Variants in ARHGAP33 observed in about 807,000 individuals in gnomAD.
ARHGAP33 encodes the protein Rho GTPase activating protein 33, also known as rho GTPase-activating protein 33.
A neutral mutation model predicts 126.2 loss-of-function variants in ARHGAP33; 57 were observed. The observed-to-expected ratio is 0.45, with a 90% CI of 0.36 to 0.56. The LOEUF is 0.56. ARHGAP33 is among the 20% of genes least tolerant of loss of function. ARHGAP33 has a pLI of 0.00. For synonymous variants in ARHGAP33, 711 were observed against 755.0 expected (o/e 0.94, Z 0.95); for missense variants, 1,500 against 1,748.3 (o/e 0.86, Z 2.53).
chr19:35,785,351 T>G lies in ARHGAP33; in HGVS notation c.1867+17T>G, dbSNP rs780523651. On this transcript the variant is annotated intron_variant, in intron 18 of 20. Coordinates refer to ENST00000007510, the MANE Select transcript of ARHGAP33 (RefSeq NM_001366178.1). ...AGCCTTCAGGTGAGAGGCTGAGCCATGGGCTGGTGGGCAGCGATGGTCGCT... is the reference window on the plus strand; with the variant it reads ...AGCCTTCAGGTGAGAGGCTGAGCCAGGGGCTGGTGGGCAGCGATGGTCGCT... 1.2e-5 allele frequency: 19 copies of G among 1,613,730 alleles called. No homozygotes were observed. The highest frequency in any genetic ancestry group is 1.6e-5 in the Non-Finnish European group (19 of 1,179,812).
At chr19:35,784,702 C>T (rs1475735932) in intron 16 of ARHGAP33, 14 of 1,331,152 alleles carry the variant, frequency 1.1e-5, no homozygotes, top group Non-Finnish European at 1.3e-5. Context: ...GCCCTCTGGC[C>T]CGAGGTAACT....
rs1337583343 is a variant in ARHGAP33, at chr19:35,788,287, C to T, written c.3722C>T (p.Ala1241Val). The change falls in exon 21 of 21, where the codon GCC (alanine) becomes GTC (valine). Residue 1241 changes from alanine (A) to valine (V), a missense_variant. This residue lies in a region of ARHGAP33 where 642 missense variants were observed against 634.0 expected (regional missense o/e 1.01). Transcript: ENST00000007510. ...PLLLYRAAPPAYGRGGELHRG... is the reference protein window; with the variant it reads ...PLLLYRAAPPVYGRGGELHRG... ...CTGCTCTACAGGGCAGCCCCGCCAG[C>T]CTACGGAAGGGGGGGCGAGCTCCAC... is the stretch of plus-strand genomic sequence containing the variant. 4 of 1,609,082 alleles carry T rather than the reference C, an allele frequency of 2.5e-6. No homozygotes were observed. In the African/African-American group the frequency reaches 4.0e-5, roughly 16 times the overall value.
Position 35,788,192 on chromosome 19 carries a change from A to G in ARHGAP33, c.3627A>G (p.Lys1209=). The G allele has an allele frequency of 6.2e-7, 1 of 1,607,120 alleles. No individual in the cohort carries two copies. Among genetic ancestry groups the G allele is most frequent in the African/African-American group, 1.3e-5 (1 of 74,236 alleles). ...PGPPVPRLPQ[K]QRAPWGPRTP... is the part of the protein sequence containing the mutation. ...CCCCAGTCCCCCGCCTTCCCCAGAA[A>G]CAACGGGCACCCTGGGGACCCCGTA... The change falls in exon 21 of 21, where the codon AAA becomes AAG. Residue 1209 remains lysine (K), a synonymous_variant. Transcript: ENST00000007510.
At chr19:35,777,431 G>A (rs1207299162) in intron 1 of ARHGAP33, among the ~76,000 whole-genome samples, 1 of 152,066 alleles carries the variant, frequency 6.6e-6, no homozygotes, top group Non-Finnish European at 1.5e-5. Context: ...CTCACGTCTG[G>A]CCCCTGCTTC....
At position 35,786,371 on chromosome 19, in the gene ARHGAP33, G is replaced by A. The variant is rs1375057448; in HGVS notation, c.1943-42G>A. ...TCCCCAGCTTTCTGTGGGGCTGTGC[G>A]CCCTGTTCTCAGGGATGGTCTCACT... On this transcript the variant is annotated intron_variant, in intron 19 of 20. Transcript: ENST00000007510. The surrounding 1 kb of genome is among the most constrained non-coding windows in gnomAD (Gnocchi z 7.0). 4.7e-6 allele frequency: 7 copies of A among 1,497,054 alleles called. No homozygotes were observed. The highest frequency in any genetic ancestry group is 2.1e-5 in the Admixed American group (1 of 47,920). The allele number at this position is 1,497,054 out of a possible 1,614,324, so 92.7% of individuals were successfully genotyped here.
chr19:35,787,816 A>T lies in ARHGAP33; in HGVS notation c.3251A>T (p.Asn1084Ile), dbSNP rs1200314953. 2.5e-6 allele frequency: 4 copies of T among 1,604,712 alleles called. No individual in the cohort carries two copies. Among genetic ancestry groups the T allele is most frequent in the Non-Finnish European group, 3.4e-6 (4 of 1,176,532 alleles). The change falls in exon 21 of 21, where the codon AAC becomes ATC. Residue 1084 changes from asparagine (N) to isoleucine (I), a missense_variant. By Grantham distance (149) the Asn-to-Ile change is moderately radical. Coordinates refer to ENST00000007510, the MANE Select transcript of ARHGAP33 (RefSeq NM_001366178.1). The part of the protein sequence containing the change: ...GPPAPLDRGE[N>I]LYYEIGASEG... ...CCTGCACCACTCGACAGGGGAGAGA[A>T]CCTGTACTATGAGATCGGGGCAAGT...
Position 35,786,350 on chromosome 19 carries a change from C to T in ARHGAP33, c.1943-63C>T. 6.8e-7 allele frequency: 1 copy of T among 1,469,374 alleles called. No individual in the cohort carries two copies. The highest frequency in any genetic ancestry group is 9.0e-7 in the Non-Finnish European group (1 of 1,113,826). 91.0% of individuals were successfully genotyped at this position (1,469,374 alleles called of 1,614,324 possible). ...GAGGCGCCTCTTCATGTCCTTTCCC[C>T]AGCTTTCTGTGGGGCTGTGCGCCCT... On this transcript the variant is annotated intron_variant, in intron 19 of 20. Coordinates refer to ENST00000007510, the MANE Select transcript of ARHGAP33 (RefSeq NM_001366178.1). The surrounding 1 kb of genome is among the most constrained non-coding windows in gnomAD (Gnocchi z 7.0).
At chr19:35,780,059 A>G in intron 6 of ARHGAP33, 152 bp from the exon 7 acceptor site, 1 of 1,117,796 alleles carries the variant, frequency 8.9e-7, no homozygotes, top group East Asian at 2.4e-5. Context: ...GCATCCCTAC[A>G]AACAGGAATC....
rs369975302 is a variant in ARHGAP33, at chr19:35,787,462, C to G, written c.2897C>G (p.Pro966Arg). 93 of 1,612,236 alleles carry G rather than the reference C, an allele frequency of 5.8e-5. No homozygotes were observed. The highest frequency in any genetic ancestry group is 7.6e-5 in the Non-Finnish European group (90 of 1,179,450). Residue 966 changes from proline to arginine, a missense_variant, in exon 21 of 21, where the codon CCC (proline) becomes CGC (arginine). Pro to Arg is a moderately radical substitution (Grantham distance 103). This residue lies in a region of ARHGAP33 where 642 missense variants were observed against 634.0 expected (regional missense o/e 1.01). Coordinates refer to ENST00000007510, the MANE Select transcript of ARHGAP33 (RefSeq NM_001366178.1). ...CACCCGGGTGCCTGGGTCCCGGGAC[C>G]CCCACCCTACTTACCAAGGCAACAA... is the stretch of plus-strand genomic sequence containing the variant. Reference protein sequence around the residue: ...LAHPGAWVPGPPPYLPRQQSD... With the variant: ...LAHPGAWVPGRPPYLPRQQSD...
In ARHGAP33 at chr19:35,781,445, C is replaced by T. The variant is rs571684206; in HGVS notation, c.1085+193C>T. ...GACTATCTTCACCGAGCACCTGCCA[C>T]GTGCCAGGCACTGTTCTAGGCACTG... On this transcript the variant is annotated intron_variant, in intron 12 of 20. Transcript: ENST00000007510. 9.8e-5 allele frequency among the ~76,000 whole-genome samples: 15 copies of T among 152,310 alleles called. No homozygotes were observed. The South Asian group carries it at 2.5e-3, about 25-fold the overall frequency.
At chr19:35,785,554 T>G in intron 19 of ARHGAP33, 71 bp downstream of exon 19, 1 of 1,597,978 alleles carries the variant, frequency 6.3e-7, no homozygotes, top group Non-Finnish European at 8.5e-7. Flanking sequence ...GGGCCCTGGT[T>G]TGGCCTCCAA....
At position 35,782,231 on chromosome 19, in the gene ARHGAP33, C is replaced by T; in HGVS notation, c.1086-142C>T. On this transcript the variant is annotated intron_variant, in intron 12 of 20. Coordinates refer to ENST00000007510, the MANE Select transcript of ARHGAP33 (RefSeq NM_001366178.1). This position sits in a 1 kb window ranked among gnomAD's most constrained non-coding sequence, Gnocchi z 4.1. ...TGCTGGGGAGTTCAGTAAGGTTCTG[C>T]CTCTGAAGAGCCCAGTGTAGGACCT... 1 of 905,842 alleles carries T rather than the reference C, an allele frequency of 1.1e-6. No individual in the cohort carries two copies. Among genetic ancestry groups the T allele is most frequent in the Non-Finnish European group, 1.7e-6 (1 of 594,556 alleles). The allele number at this position is 905,842 out of a possible 1,614,324, so 56.1% of individuals were successfully genotyped here. A position where few individuals can be genotyped will look rare whatever the true frequency, so the allele number is the denominator to read the frequency against.
In ARHGAP33 at chr19:35,782,289, T is replaced by G. The variant is rs1971833906; in HGVS notation, c.1086-84T>G. The G allele has an allele frequency of 1.3e-6, 2 of 1,506,812 alleles. No individual in the cohort carries two copies. Among genetic ancestry groups the G allele is most frequent in the Non-Finnish European group, 1.8e-6 (2 of 1,107,850 alleles). 93.3% of individuals were successfully genotyped at this position (1,506,812 alleles called of 1,614,324 possible). The stretch of plus-strand genomic sequence containing the variant: ...AGGGTTCCATCCACCTGCGGGCACT[T>G]GGGGGTAGGGGCAAGGGGAGCATGG... On this transcript the variant is annotated intron_variant, in intron 12 of 20. Coordinates refer to ENST00000007510, the MANE Select transcript of ARHGAP33 (RefSeq NM_001366178.1). This position sits in a 1 kb window ranked among gnomAD's most constrained non-coding sequence, Gnocchi z 4.1.
rs1401094087 is a variant in ARHGAP33, at chr19:35,775,658, C to G, written c.-1C>G. ...CCGGGGCCTGAGGAGGCTACGCGACCATGGTGGTAAGGGTCCCACGCGGCC... is the reference window on the plus strand; with the variant it reads ...CCGGGGCCTGAGGAGGCTACGCGACGATGGTGGTAAGGGTCCCACGCGGCC... On this transcript the variant is annotated 5_prime_UTR_variant, in exon 1 of 21. Transcript: ENST00000007510. The G allele has an allele frequency of 1.3e-6, 2 of 1,550,460 alleles. No homozygotes were observed. The highest frequency in any genetic ancestry group is 1.7e-6 in the Non-Finnish European group (2 of 1,153,800).
In ARHGAP33 at chr19:35,782,224, G is replaced by A; in HGVS notation, c.1086-149G>A. The A allele has an allele frequency of 1.2e-6, 1 of 840,204 alleles. No individual in the cohort carries two copies. Among genetic ancestry groups the A allele is most frequent in the Non-Finnish European group, 1.9e-6 (1 of 538,440 alleles). 52.0% of individuals were successfully genotyped at this position (840,204 alleles called of 1,614,324 possible). A position where few individuals can be genotyped will look rare whatever the true frequency, so the allele number is the denominator to read the frequency against. On this transcript the variant is annotated intron_variant, in intron 12 of 20. Transcript: ENST00000007510. The surrounding 1 kb of genome is among the most constrained non-coding windows in gnomAD (Gnocchi z 4.1). ...ACAGGCTTGCTGGGGAGTTCAGTAA[G>A]GTTCTGCCTCTGAAGAGCCCAGTGT...
At chr19:35,785,633 G>A in intron 19 of ARHGAP33, 150 bp downstream of exon 19, 2 of 1,456,790 alleles carry the variant, frequency 1.4e-6, no homozygotes, top group Non-Finnish European at 1.8e-6. Context: ...TGTACAATGA[G>A]TTGGATACAG....
rs759482587 is a variant in ARHGAP33, at chr19:35,787,011, G to A, written c.2541G>A (p.Pro847=). 46 of 1,608,954 alleles carry A rather than the reference G, an allele frequency of 2.9e-5. No individual in the cohort carries two copies. Among genetic ancestry groups the A allele is most frequent in the African/African-American group, 2.5e-4 (19 of 74,878 alleles). Residue 847 remains proline (P), a synonymous_variant, in exon 20 of 21, where the codon CCG becomes CCA. Coordinates refer to ENST00000007510, the MANE Select transcript of ARHGAP33 (RefSeq NM_001366178.1). The part of the protein sequence containing the change: ...IPLLLRGAEA[P]LTDACQQEMC... Reference sequence around the variant, plus strand: ...TGCTGCTGCGAGGAGCCGAGGCCCCGCTGACTGACGCCTGCCAGCAGGAGA... The same window carrying A: ...TGCTGCTGCGAGGAGCCGAGGCCCCACTGACTGACGCCTGCCAGCAGGAGA...
In ARHGAP33 at chr19:35,777,680, G is replaced by A; in HGVS notation, c.42G>A (p.Glu14=). 6.3e-7 allele frequency: 1 copy of A among 1,588,650 alleles called. No individual in the cohort carries two copies. The highest frequency in any genetic ancestry group is 8.6e-7 in the Non-Finnish European group (1 of 1,167,300). Residue 14 remains glutamate, a synonymous_variant, in exon 2 of 21, where the codon GAG becomes GAA. Transcript: ENST00000007510. ...CTGACAGCCTGGATGGCCCAGGGGA[G>A]GGCTCGGTGCAGCCTCTACCCACTG... is the stretch of plus-strand genomic sequence containing the variant. ...RSTDSLDGPG[E]GSVQPLPTAG... is the part of the protein sequence containing the mutation.
At position 35,786,416 on chromosome 19, in the gene ARHGAP33, T is replaced by A. The variant is rs1333267966; in HGVS notation, c.1946T>A (p.Leu649His). Residue 649 changes from leucine (L) to histidine (H), a missense_variant, in exon 20 of 21, where the codon CTC becomes CAC. Physicochemically the swap from Leu to His is moderately conservative, Grantham distance 99 (BLOSUM62 -3). Around this residue, in one of 6 missense-constraint regions of ARHGAP33, gnomAD observed 300 missense variants for 291.1 expected, o/e 1.03. Coordinates refer to ENST00000007510, the MANE Select transcript of ARHGAP33 (RefSeq NM_001366178.1). This position sits in a 1 kb window ranked among gnomAD's most constrained non-coding sequence, Gnocchi z 7.0. Reference sequence around the variant, plus strand: ...CTCACTGACCCCACCCCTCCAGGCCTCCAGAGGCTGCACAGGCTGCGGCGA... The same window carrying A: ...CTCACTGACCCCACCCCTCCAGGCCACCAGAGGCTGCACAGGCTGCGGCGA... The part of the protein sequence containing the change: ...SLSSQASGAG[L>H]QRLHRLRRPH... 13 of 1,531,098 alleles carry A rather than the reference T, an allele frequency of 8.5e-6. No individual in the cohort carries two copies. The highest frequency in any genetic ancestry group is 1.1e-5 in the Non-Finnish European group (13 of 1,143,908). 94.8% of individuals were successfully genotyped at this position (1,531,098 alleles called of 1,614,324 possible).
Sources: allele counts gnomAD v4.1 joint callset (sites outside exome capture counted in the v4.1 genomes callset), GRCh38; gene constraint gnomAD v4.1.1; regional missense constraint gnomAD v4.1.1; non-coding constraint Gnocchi (gnomAD v3.1); transcripts MANE v1.5; gene names NCBI Gene and HGNC (gene_info 2026-07-23, HGNC 2026-07-21).